TSC2: variants seen among roughly 807,000 people sequenced by gnomAD.
TSC2 encodes TSC complex subunit 2, also known as tuberin.
Under a neutral mutation model 202.2 loss-of-function variants are expected in TSC2, and 29 were observed. The observed-to-expected ratio is 0.14, with a 90% CI of 0.11 to 0.20. The LOEUF (loss-of-function observed/expected upper bound fraction) is 0.20. Among genes scored for constraint, TSC2 ranks in the 10% least tolerant of loss-of-function variants. The pLI is 1.00. For missense variants in TSC2, 2,429 were observed against 2,420.0 expected, an observed-to-expected ratio of 1.00 and a Z score of -0.08; for synonymous variants, 1,349 against 1,044.0, an observed-to-expected ratio of 1.29 and a Z score of -5.63.
rs576024984 is a variant in TSC2 at position 2,057,044 on chromosome 16, G to T, written c.775-61G>T. The T allele has an allele frequency of 3.0e-5, 47 of 1,544,492 alleles. No homozygotes were observed. The African/African-American group carries it at 5.6e-4, about 18-fold the overall frequency. On this transcript the variant is annotated intron_variant, in intron 8 of 41. Transcript: ENST00000219476. ...CAGCAGCCAGGCGGGGCCAGCAGCG[G>T]GACTGGGGCTGGGGGCAGGGCTTAT...
In TSC2 at chr16:2,072,882, G is replaced by A. The variant is rs2151326864; in HGVS notation, c.2254G>A (p.Gly752Ser). Residue 752 changes from glycine (G) to serine (S), a missense_variant, in exon 21 of 42, where the codon GGC becomes AGC. Transcript: ENST00000219476. The part of the protein sequence containing the change: ...SGPKTLERLR[G>S]APEGFSRTDL... ...CCCAAAGACACTGGAGCGGCTCCGAGGCGCCCCAGAAGGCTTCTCCAGAAC... is the reference window on the plus strand; with the variant it reads ...CCCAAAGACACTGGAGCGGCTCCGAAGCGCCCCAGAAGGCTTCTCCAGAAC... The A allele has an allele frequency of 6.2e-7, 1 of 1,613,602 alleles. No individual in the cohort carries two copies.
intron 35 of TSC2, 61 bp downstream of exon 35, chr16:2,085,087 G>T: frequency 6.2e-7 from 1 of 1,608,466 alleles, no homozygotes; most frequent in East Asian, 2.2e-5. Flanking sequence ...GAATGGTGGG[G>T]GGCCCAGCTC....
At position 2,084,316 on chromosome 16, in the gene TSC2, C is replaced by G; in HGVS notation, c.4094C>G (p.Ser1365Trp). 1 of 1,612,692 alleles carries G rather than the reference C, an allele frequency of 6.2e-7. No individual in the cohort carries two copies. Among genetic ancestry groups the G allele is most frequent in the Non-Finnish European group, 8.5e-7 (1 of 1,179,940 alleles). Residue 1365 changes from serine to tryptophan, a missense_variant, in exon 34 of 42, where the codon TCG (serine) becomes TGG (tryptophan). Ser to Trp is a radical substitution (Grantham distance 177). Coordinates refer to ENST00000219476, the MANE Select transcript of TSC2 (RefSeq NM_000548.5). ...RGIPIERVVS[S>W]EGGRPSVDLS... ...ATCCCCATCGAGCGAGTCGTCTCCTCGGAGGGTGGCCGGCCCTCTGTGGAC... is the reference window on the plus strand; with the variant it reads ...ATCCCCATCGAGCGAGTCGTCTCCTGGGAGGGTGGCCGGCCCTCTGTGGAC...
intron 30 of TSC2, chr16:2,080,765 T>C (rs1400419108): frequency 3.6e-5 from 9 of 247,802 alleles, no homozygotes; most frequent in South Asian, 3.0e-4. Flanking sequence ...ATTACAGGCG[T>C]GAGCCACCGC....
chr16:2,050,353 C>T (rs1389188308), intron 2 of TSC2, 47 bp from the exon 3 acceptor site: 4 of 1,567,764 alleles, frequency 2.6e-6, no homozygotes, highest in Non-Finnish European at 3.5e-6. Flanking sequence ...GTTAAGGAGA[C>T]CGTGGCCTGA....
chr16:2,068,220 A>C (rs187110075), intron 16 of TSC2, among the ~76,000 whole-genome samples: 15 of 152,222 alleles, frequency 9.9e-5, no homozygotes, highest in Admixed American at 8.5e-4. Flanking sequence ...TTGTATTTTT[A>C]GTAGTGACAT....
intron 20 of TSC2, chr16:2,072,626 T>G (rs2088639155): frequency 1.2e-6 from 1 of 819,012 alleles, no homozygotes; most frequent in South Asian, 1.8e-5. Flanking sequence ...GTGCTTTTCC[T>G]AAGTGGGGCT....
chr16:2,087,840 G>T lies in TSC2; in HGVS notation c.4990-23G>T. The T allele has an allele frequency of 1.9e-6, 3 of 1,611,962 alleles. No individual in the cohort carries two copies. The South Asian group carries it at 3.3e-5, about 18-fold the overall frequency. On this transcript the variant is annotated intron_variant, in intron 38 of 41. Transcript: ENST00000219476. Reference sequence around the variant, plus strand: ...TTCAGCACACGCTGTGTGCGGGGATGACCCTTTCTCTTGTCCGGGCAGGGC... The same window carrying T: ...TTCAGCACACGCTGTGTGCGGGGATTACCCTTTCTCTTGTCCGGGCAGGGC...
At chr16:2,070,777 C>T (rs901779253) in intron 17 of TSC2, among the ~76,000 whole-genome samples, 199 bp downstream of exon 17, 3 of 152,262 alleles carry the variant, frequency 2.0e-5, no homozygotes, top group African/African-American at 7.2e-5. Context: ...ACATCTGTGG[C>T]TTGTCGCTCT....
chr16:2,077,987 C>G (rs373546618), intron 26 of TSC2, among the ~76,000 whole-genome samples: 2 of 152,218 alleles, frequency 1.3e-5, no homozygotes, highest in East Asian at 1.9e-4. Flanking sequence ...AGCAGCCTCC[C>G]CAGGCTGTCC....
Position 2,088,073 on chromosome 16 carries a change from C to A in TSC2, c.5094C>A (p.Ser1698Arg), listed in dbSNP as rs45514196. 301 of 1,612,828 alleles carry A rather than the reference C, an allele frequency of 1.9e-4. 2 individuals are homozygous for A. In the African/African-American group the frequency reaches 3.5e-3, roughly 19 times the overall value. Residue 1698 changes from serine to arginine, a missense_variant, in exon 40 of 42, where the codon AGC becomes AGA. Coordinates refer to ENST00000219476, the MANE Select transcript of TSC2 (RefSeq NM_000548.5). ...ACATGGAGGGCCTTGTGGACACCAG[C>A]GTGGCCAAGATCGTGTCTGACCGCA... ...RKDMEGLVDT[S>R]VAKIVSDRNL...
rs1175869347 is a variant in TSC2, at chr16:2,048,048, G to C, written c.-47G>C. 1.4e-5 allele frequency: 20 copies of C among 1,425,016 alleles called. No individual in the cohort carries two copies. Among genetic ancestry groups the C allele is most frequent in the Non-Finnish European group, 1.6e-5 (18 of 1,097,062 alleles). 88.3% of individuals were successfully genotyped at this position (1,425,016 alleles called of 1,614,324 possible). ...TCTCCGCGTCGGGGCGGCCCGGAGC[G>C]CGGTGGCGCGGCGCGGGGTAAGTGG... On this transcript the variant is annotated 5_prime_UTR_variant, in exon 1 of 42. Transcript: ENST00000219476.
chr16:2,061,573 G>T (rs1362456785), intron 11 of TSC2: 2 of 474,050 alleles, frequency 4.2e-6, no homozygotes, highest in Non-Finnish European at 7.8e-6. Flanking sequence ...ATTCCTTGGG[G>T]GGTGGGGTAC....
rs1200802987 is a variant in TSC2 at position 2,074,349 on chromosome 16, C to T, written c.2505C>T (p.Ala835=). The T allele has an allele frequency of 6.2e-7, 1 of 1,612,550 alleles. No individual in the cohort carries two copies. The highest frequency in any genetic ancestry group is 1.7e-5 in the Admixed American group (1 of 60,026). The change falls in exon 22 of 42, where the codon GCC becomes GCT. Residue 835 remains alanine (A), a synonymous_variant. Coordinates refer to ENST00000219476, the MANE Select transcript of TSC2 (RefSeq NM_000548.5). ...TGGTGAAGCTCACGCACATCTCAGC[C>T]ACAGCCAGCATGGCCGTCCCACTGC... ...VLVVKLTHIS[A]TASMAVPLLE...
chr16:2,083,163 T>C (rs762350756), intron 32 of TSC2: 9 of 456,906 alleles, frequency 2.0e-5, no homozygotes, highest in Non-Finnish European at 2.6e-5. Context: ...CCTCTCCCCC[T>C]GTCCTGACGC....
intron 21 of TSC2, 122 bp downstream of exon 21, chr16:2,073,105 C>A: frequency 6.8e-7 from 1 of 1,479,550 alleles, no homozygotes; most frequent in Non-Finnish European, 9.2e-7. Flanking sequence ...AGTGAGTTGG[C>A]TCTGCTTCCC....
At position 2,067,198 on chromosome 16, in the gene TSC2, G is replaced by A. The variant is rs549878040; in HGVS notation, c.1716+1563G>A. Among the ~76,000 whole-genome samples, 8 of 151,474 alleles carry A rather than the reference G, an allele frequency of 5.3e-5. No homozygotes were observed. The South Asian group carries it at 6.3e-4, about 12-fold the overall frequency. ...TTTTGAGACAAGATCTCACTCTGTC[G>A]CCCAGGCTGGGGTGCAGTGCTGTGA... On this transcript the variant is annotated intron_variant, in intron 16 of 41. Transcript: ENST00000219476.
At chr16:2,074,519 C>G (rs1174186330) in intron 22 of TSC2, 130 bp downstream of exon 22, 2 of 1,165,408 alleles carry the variant, frequency 1.7e-6, no homozygotes, top group African/African-American at 1.5e-5. Context: ...GCCTCAGGGC[C>G]TGGGCGTCTC....
In TSC2 at chr16:2,058,759, G is replaced by A. The variant is rs192567788; in HGVS notation, c.861G>A (p.Glu287=). The A allele has an allele frequency of 6.3e-7, 1 of 1,584,232 alleles. No homozygotes were observed. The highest frequency in any genetic ancestry group is 1.8e-5 in the Admixed American group (1 of 54,920). ...CHLMEDRAYM[E]DAPLLRGAVF... Reference sequence around the variant, plus strand: ...GGAACACTTTTAGAGCCTACATGGAGGACGCGCCCCTGCTGAGAGGAGCCG... The same window carrying A: ...GGAACACTTTTAGAGCCTACATGGAAGACGCGCCCCTGCTGAGAGGAGCCG... Residue 287 remains glutamate, a synonymous_variant, in exon 10 of 42, where the codon GAG becomes GAA. Transcript: ENST00000219476.
Sources: gnomAD v4.1 joint callset for allele counts (sites outside exome capture counted in the v4.1 genomes callset) on GRCh38, gnomAD v4.1.1 for gene constraint, MANE v1.5 for transcripts, NCBI Gene and HGNC (gene_info 2026-07-23, HGNC 2026-07-21) for gene names.